RIC1: variants seen among roughly 807,000 people sequenced by gnomAD.
RIC1 encodes RIC1 partner of RAB6A GEF complex, also known as guanine nucleotide exchange factor subunit RIC1.
In RIC1, 88 loss-of-function variants were observed where a neutral mutation model predicts 169.0. That is an observed-to-expected ratio of 0.52 (90% CI 0.44 to 0.62). RIC1 has a LOEUF of 0.62. Among genes scored for constraint, RIC1 ranks in the 20% least tolerant of loss-of-function variants. The probability of loss-of-function intolerance (pLI) is 0.00; values close to 1 mark genes in which losing one functional copy is unlikely to be tolerated. For synonymous variants in RIC1, 790 were observed against 601.5 expected, an observed-to-expected ratio of 1.31 and a Z score of -4.59; for missense variants, 1,877 against 1,725.5, an observed-to-expected ratio of 1.09 and a Z score of -1.56.
At chr9:5,769,523 C>T (rs1346930866) in intron 22 of RIC1, 1 of 1,237,390 alleles carries the variant, frequency 8.1e-7, no homozygotes, top group Non-Finnish European at 1.1e-6. Context: ...TGAGAACTGC[C>T]TGAATATAAA....
At chr9:5,679,739 G>A (rs1053083670) in intron 2 of RIC1, among the ~76,000 whole-genome samples, 3 of 152,114 alleles carry the variant, frequency 2.0e-5, no homozygotes, top group African/African-American at 7.2e-5. Context: ...GGAGATTTTG[G>A]GCTGATACGA....
chr9:5,720,347 G>A (rs977337885), intron 5 of RIC1, 23 bp downstream of exon 5: 3 of 1,592,062 alleles, frequency 1.9e-6, no homozygotes, highest in African/African-American at 2.7e-5. Context: ...TCTACATGAG[G>A]TTGAACCAGT....
intron 1 of RIC1, among the ~76,000 whole-genome samples, chr9:5,648,565 G>A (rs1373550886): frequency 6.6e-6 from 1 of 152,128 alleles, no homozygotes; most frequent in Non-Finnish European, 1.5e-5. Context: ...GGATCATATG[G>A]TAGTTCTATT....
chr9:5,743,269 G>T (rs938140313), intron 9 of RIC1, among the ~76,000 whole-genome samples: 2 of 152,138 alleles, frequency 1.3e-5, no homozygotes, highest in African/African-American at 2.4e-5. Flanking sequence ...ACACAAAGCA[G>T]AATCAGGCAT....
At chr9:5,722,337 A>AAGAGAGAGAGAG (rs147623001) in intron 6 of RIC1, among the ~76,000 whole-genome samples, 136 of 115,406 alleles carry the variant, frequency 1.2e-3, no homozygotes, top group East Asian at 4.7e-3. Flanking sequence ...CAAAAACTAT[A>AAGAGAGAGAGAG]AGAGAGAGAG....
rs537695757 is a variant in RIC1 at position 5,680,088 on chromosome 9, A to G, written c.253-9871A>G. 1.3e-4 allele frequency among the ~76,000 whole-genome samples: 20 copies of G among 152,272 alleles called. No homozygotes were observed. The East Asian group carries it at 3.7e-3, about 28-fold the overall frequency. On this transcript the variant is annotated intron_variant, in intron 2 of 25. Coordinates refer to ENST00000414202, the MANE Select transcript of RIC1 (RefSeq NM_020829.4). The stretch of plus-strand genomic sequence containing the variant: ...TTTGTCAAAGGCCTTTTCTGCATCT[A>G]TTGAGATAATCATGTGGTTTTTGTC...
At chr9:5,746,155 T>G in intron 11 of RIC1, 72 bp downstream of exon 11, 1 of 1,182,930 alleles carries the variant, frequency 8.5e-7, no homozygotes, top group Admixed American at 1.8e-5. Flanking sequence ...TTATGACATA[T>G]GTATGGCGTA....
chr9:5,710,589 A>C (rs973576559), intron 3 of RIC1, among the ~76,000 whole-genome samples: 1 of 152,206 alleles, frequency 6.6e-6, no homozygotes, highest in African/African-American at 2.4e-5. Flanking sequence ...CTCTAAAATA[A>C]GAACAAAGGA....
chr9:5,682,237 C>T (rs1820893873), intron 2 of RIC1, among the ~76,000 whole-genome samples: 1 of 152,174 alleles, frequency 6.6e-6, no homozygotes, highest in African/African-American at 2.4e-5. Flanking sequence ...TTAGTTGATG[C>T]AGTTTCTTCC....
chr9:5,629,584 G>A, intron 1 of RIC1, 131 bp downstream of exon 1: 2 of 1,046,610 alleles, frequency 1.9e-6, no homozygotes, highest in Non-Finnish European at 2.6e-6. Context: ...CGCAGTCCGC[G>A]TCCTCGTTCC....
chr9:5,773,098 T>C lies in RIC1; in HGVS notation c.3983+18T>C. Reference sequence around the variant, plus strand: ...ACAGACTGGTAAGTGCTGCTTTCCTTAGGCTTGGTGTCCTTCCATGTCTTT... The same window carrying C: ...ACAGACTGGTAAGTGCTGCTTTCCTCAGGCTTGGTGTCCTTCCATGTCTTT... On this transcript the variant is annotated intron_variant, in intron 25 of 25. Coordinates refer to ENST00000414202, the MANE Select transcript of RIC1 (RefSeq NM_020829.4). 1 of 1,550,228 alleles carries C rather than the reference T, an allele frequency of 6.5e-7. No homozygotes were observed. Among genetic ancestry groups the C allele is most frequent in the African/African-American group, 1.4e-5 (1 of 73,210 alleles).
chr9:5,647,805 C>T (rs1425451038), intron 1 of RIC1, among the ~76,000 whole-genome samples: 3 of 152,144 alleles, frequency 2.0e-5, no homozygotes, highest in African/African-American at 7.2e-5. Context: ...TAAGAATGGG[C>T]ATCTTTGTCT....
At chr9:5,669,178 T>A (rs1819950994) in intron 2 of RIC1, among the ~76,000 whole-genome samples, 1 of 152,222 alleles carries the variant, frequency 6.6e-6, no homozygotes, top group Non-Finnish European at 1.5e-5. Context: ...GCCAGTCATG[T>A]AAGATTTCCT....
chr9:5,674,276 C>G (rs771749047), intron 2 of RIC1, among the ~76,000 whole-genome samples: 12 of 151,814 alleles, frequency 7.9e-5, no homozygotes, highest in Admixed American at 7.2e-4. Flanking sequence ...AAAAATTTAA[C>G]AAAAATTCAT....
chr9:5,683,249 G>A (rs943562570), intron 2 of RIC1, among the ~76,000 whole-genome samples: 12 of 152,130 alleles, frequency 7.9e-5, no homozygotes, highest in Non-Finnish European at 1.6e-4. Context: ...CGGTTTTTCT[G>A]CTCTGTTTTT....
chr9:5,664,394 G>A (rs1463432933), intron 2 of RIC1, among the ~76,000 whole-genome samples: 2 of 151,898 alleles, frequency 1.3e-5, no homozygotes, highest in South Asian at 2.1e-4. Context: ...GCCTGGCAAC[G>A]GAGCGAGACT....
Position 5,774,362 on chromosome 9 carries a change from G to A in RIC1, c.*116G>A. 1 of 786,790 alleles carries A rather than the reference G, an allele frequency of 1.3e-6. No homozygotes were observed. The highest frequency in any genetic ancestry group is 1.9e-6 in the Non-Finnish European group (1 of 525,098). The allele number at this position is 786,790 out of a possible 1,614,324, so 48.7% of individuals were successfully genotyped here. ...ACTCAGTTCAGAGACTCTTCGGTAA[G>A]TATTAGTAGATTTTAACTAATTCTT... On this transcript the variant is annotated 3_prime_UTR_variant, in exon 26 of 26. Coordinates refer to ENST00000414202, the MANE Select transcript of RIC1 (RefSeq NM_020829.4).
At chr9:5,726,842 G>C (rs141258010) in intron 6 of RIC1, among the ~76,000 whole-genome samples, 31 of 152,298 alleles carry the variant, frequency 2.0e-4, no homozygotes, top group African/African-American at 7.5e-4. Flanking sequence ...TGAAATTCTG[G>C]GTTGAAAATT....
chr9:5,675,759 C>T (rs530578891), intron 2 of RIC1, among the ~76,000 whole-genome samples: 82 of 152,270 alleles, frequency 5.4e-4, no homozygotes, highest in Middle Eastern at 6.8e-3. Flanking sequence ...TATGTAAAAA[C>T]TAATGTACCA....
Sources: gnomAD v4.1 joint callset for allele counts (sites outside exome capture counted in the v4.1 genomes callset) on GRCh38, gnomAD v4.1.1 for gene constraint, MANE v1.5 for transcripts, NCBI Gene and HGNC (gene_info 2026-07-23, HGNC 2026-07-21) for gene names.